Variants in FSAF1 observed in about 807,000 individuals in gnomAD.
The protein encoded by FSAF1 is 40S small subunit processome assembly factor 1.
the FSAF1 span, chr1:231,240,992 C>T: frequency 2.5e-6 from 4 of 1,584,340 alleles, no homozygotes; most frequent in Non-Finnish European, 3.5e-6. The surrounding 1 kb of genome is among the most constrained non-coding windows in gnomAD (Gnocchi z 4.1). Context: ...CAAATCTGTT[C>T]TCCACGTGGG....
chr1:231,225,175 G>A, the FSAF1 span: 41 of 461,842 alleles, frequency 8.9e-5, no homozygotes, highest in Non-Finnish European at 1.4e-4. Flanking sequence ...CCCAGACTAC[G>A]CTGCTGTAGC....
the FSAF1 span, among the ~76,000 whole-genome samples, chr1:231,232,399 A>T: frequency 6.6e-6 from 1 of 152,180 alleles, no homozygotes; most frequent in Non-Finnish European, 1.5e-5. Context: ...GGACCCCTTA[A>T]GAGCCCTTCA....
At chr1:231,229,138 C>A in the FSAF1 span, 1 of 1,486,104 alleles carries the variant, frequency 6.7e-7, no homozygotes, top group South Asian at 1.3e-5. Context: ...TTAACAATCT[C>A]AAAGTACATA....
At chr1:231,239,453 G>C in the FSAF1 span, among the ~76,000 whole-genome samples, 4 of 152,180 alleles carry the variant, frequency 2.6e-5, no homozygotes, top group Non-Finnish European at 1.5e-5. Context: ...CCTACTCAAA[G>C]TGTCATCACA....
At chr1:231,233,714 G>A in the FSAF1 span, among the ~76,000 whole-genome samples, 59 of 152,098 alleles carry the variant, frequency 3.9e-4, no homozygotes, top group African/African-American at 8.7e-4. Context: ...CACCACACCC[G>A]GCTAATTTTT....
chr1:231,237,124 T>G, the FSAF1 span: 1 of 152,154 alleles, frequency 6.6e-6, no homozygotes, highest in Non-Finnish European at 1.5e-5. Context: ...CATCCCAAAG[T>G]GCTCGGATTA....
At chr1:231,224,373 C>T in the FSAF1 span, 1 of 1,612,568 alleles carries the variant, frequency 6.2e-7, no homozygotes, top group Non-Finnish European at 8.5e-7. Flanking sequence ...TCCAATCCGT[C>T]CATTTGACAA....
the FSAF1 span, chr1:231,224,607 G>C: frequency 1.9e-6 from 1 of 532,768 alleles, no homozygotes; most frequent in Non-Finnish European, 3.2e-6. Context: ...CCTTGCACTG[G>C]TTTCTTCTGC....
At chr1:231,225,998 CAAAAAAAAAAAAAAAA>C in the FSAF1 span, 1 of 28,366 alleles carries the variant, frequency 3.5e-5, no homozygotes, top group Non-Finnish European at 6.1e-5. Flanking sequence ...ACGTAAAATG[CAAAAAAAAAAAAAAAA>C]AAAAAAAAAA....
the FSAF1 span, among the ~76,000 whole-genome samples, chr1:231,234,597 T>A: frequency 1.3e-5 from 2 of 152,312 alleles, no homozygotes; most frequent in South Asian, 4.1e-4. This position sits in a 1 kb window ranked among gnomAD's most constrained non-coding sequence, Gnocchi z 4.0. Context: ...ATTCACCACA[T>A]AGGAGCTACA....
the FSAF1 span, chr1:231,224,684 G>A: frequency 7.5e-6 from 3 of 401,930 alleles, no homozygotes; most frequent in Non-Finnish European, 1.3e-5. Flanking sequence ...CAGCTCCGAT[G>A]TCACCTCCTC....
chr1:231,224,065 T>G, the FSAF1 span: 1 of 453,106 alleles, frequency 2.2e-6, no homozygotes, highest in Non-Finnish European at 3.7e-6. Context: ...GTGGGTTCAC[T>G]TCACATTCAT....
chr1:231,236,989 T>C, the FSAF1 span: 1 of 151,726 alleles, frequency 6.6e-6, no homozygotes, highest in Non-Finnish European at 1.5e-5. Flanking sequence ...ACAGATTCAC[T>C]AATAATCTTT....
the FSAF1 span, among the ~76,000 whole-genome samples, chr1:231,235,515 T>C: frequency 6.8e-6 from 1 of 148,020 alleles, no homozygotes; most frequent in South Asian, 2.1e-4. Context: ...AAAAGGGACA[T>C]GATGGCTGGG....
At chr1:231,225,318 G>A in the FSAF1 span, 3 of 689,172 alleles carry the variant, frequency 4.4e-6, no homozygotes, top group Non-Finnish European at 5.0e-6. Context: ...ATCTTGGGCA[G>A]TTTACTAAAT....
At chr1:231,234,482 T>G in the FSAF1 span, among the ~76,000 whole-genome samples, 3 of 152,242 alleles carry the variant, frequency 2.0e-5, no homozygotes, top group Non-Finnish European at 4.4e-5. This position sits in a 1 kb window ranked among gnomAD's most constrained non-coding sequence, Gnocchi z 4.0. Flanking sequence ...CCCATTCATT[T>G]TTTTGAGATC....
chr1:231,231,303 C>G, the FSAF1 span, among the ~76,000 whole-genome samples: 1 of 152,300 alleles, frequency 6.6e-6, no homozygotes, highest in Admixed American at 6.5e-5. Flanking sequence ...GATATCTTTT[C>G]CACTGCCATG....
chr1:231,235,096 C>T, the FSAF1 span, among the ~76,000 whole-genome samples: 1 of 152,232 alleles, frequency 6.6e-6, no homozygotes, highest in East Asian at 1.9e-4. Context: ...ACTGCTCCAT[C>T]TGCAAGGTCT....
At chr1:231,225,502 T>C in the FSAF1 span, 1 of 1,613,670 alleles carries the variant, frequency 6.2e-7, no homozygotes, top group Non-Finnish European at 8.5e-7. Context: ...TTCTTTTTCT[T>C]GAAAATATCT....
Sources: allele counts gnomAD v4.1 joint callset (sites outside exome capture counted in the v4.1 genomes callset), GRCh38; gene constraint gnomAD v4.1.1; non-coding constraint Gnocchi (gnomAD v3.1); transcripts MANE v1.5; gene names NCBI Gene and HGNC (gene_info 2026-07-23, HGNC 2026-07-21).